RMDN1: variants seen among roughly 807,000 people sequenced by gnomAD.
RMDN1 encodes the protein regulator of microtubule dynamics protein 1.
A neutral mutation model predicts 48.9 loss-of-function variants in RMDN1; 48 were observed. That is an observed-to-expected ratio of 0.98 (90% CI 0.78 to 1.25). The LOEUF (loss-of-function observed/expected upper bound fraction) is 1.25. RMDN1 is among the 50% of genes most tolerant of loss of function. RMDN1 has a pLI of 0.00. For missense variants in RMDN1, 418 were observed against 373.4 expected (o/e 1.12, Z -0.98); for synonymous variants, 148 against 132.6 (o/e 1.12, Z -0.80).
At chr8:86,509,320 A>G (rs1314183555), upstream of RMDN1, among the ~76,000 whole-genome samples, 1 of 152,162 alleles carries the variant, frequency 6.6e-6, no homozygotes, top group Non-Finnish European at 1.5e-5. Flanking sequence ...GGTCTCCCCT[A>G]AAATTCTTCA....
intron 2 of RMDN1, chr8:86,504,937 A>G: frequency 8.0e-7 from 1 of 1,255,526 alleles, no homozygotes; most frequent in South Asian, 1.2e-5. Flanking sequence ...CCTGAGACCC[A>G]TGGCAGGGCT....
chr8:86,478,938 A>G lies in RMDN1; in HGVS notation c.714T>C (p.Ser238=). Residue 238 remains serine (S), a synonymous_variant, in exon 7 of 10, where the codon AGT becomes AGC. Transcript: ENST00000406452. ...IAKMLFATPP[S]STYEKALGYF... ...ATCATACTACCTTCTCATAGGTGGA[A>G]CTAGGAGGAGTTGCAAACAGCATTT... 2.5e-6 allele frequency: 4 copies of G among 1,613,400 alleles called. No homozygotes were observed. The highest frequency in any genetic ancestry group is 3.4e-6 in the Non-Finnish European group (4 of 1,179,330).
At chr8:86,487,412 T>G (rs1449813481) in intron 3 of RMDN1, among the ~76,000 whole-genome samples, 1 of 152,066 alleles carries the variant, frequency 6.6e-6, no homozygotes, top group African/African-American at 2.4e-5. Context: ...AAAACCAGCC[T>G]GATCAACATG....
At position 86,514,005 on chromosome 8, in the gene RMDN1, A is replaced by AT. The variant is rs1019675771; in HGVS notation, c.-4+236dup. On this transcript the variant is annotated intron_variant, in intron 1 of 9. Transcript: ENST00000523911. ...CAGTCGCGTGCCACCACGCCCAGCT[A>AT]TTTTTTTTTTTACTTTTTGTAGCGG... Among the ~76,000 whole-genome samples, 306 of 145,318 alleles carry AT rather than the reference A, an allele frequency of 2.1e-3. 1 individual carries two copies. Among genetic ancestry groups the AT allele is most frequent in the African/African-American group, 6.5e-3 (257 of 39,670 alleles).
At chr8:86,471,718 A>C (rs1428036681), downstream of RMDN1, among the ~76,000 whole-genome samples, 1 of 152,218 alleles carries the variant, frequency 6.6e-6, no homozygotes, top group Non-Finnish European at 1.5e-5. Flanking sequence ...TAAAAGAAAA[A>C]TCAGTAAGTG....
In RMDN1 at chr8:86,473,420, T is replaced by A; in HGVS notation, c.*888A>T. The A allele has an allele frequency of 1.0e-6, 1 of 985,480 alleles. No homozygotes were observed. The highest frequency in any genetic ancestry group is 1.2e-6 in the Non-Finnish European group (1 of 829,950). The allele number at this position is 985,480 out of a possible 1,614,324, so 61.0% of individuals were successfully genotyped here. On this transcript the variant is annotated 3_prime_UTR_variant, in exon 10 of 10. Coordinates refer to ENST00000406452, the MANE Select transcript of RMDN1 (RefSeq NM_016033.3). ...GTGTTCCTTCCATTCCATTAGGGAA[T>A]AGAACTTTGCATCTGATGACAAATT...
chr8:86,474,438 G>T, intron 9 of RMDN1, 80 bp from the exon 10 acceptor site: 1 of 1,145,350 alleles, frequency 8.7e-7, no homozygotes, highest in Non-Finnish European at 1.3e-6. Flanking sequence ...ATAAAGTGGG[G>T]TTTCTAAGAG....
At chr8:86,483,825 G>GTTTT in intron 5 of RMDN1, among the ~76,000 whole-genome samples, 1 of 130,144 alleles carries the variant, frequency 7.7e-6, no homozygotes, top group Non-Finnish European at 1.7e-5. Context: ...TTTTGTGGTA[G>GTTTT]TTTTTTTTTT....
intron 2 of RMDN1, chr8:86,504,694 T>G (rs1819001142): frequency 2.2e-6 from 2 of 891,356 alleles, no homozygotes; most frequent in South Asian, 2.6e-5. Flanking sequence ...GCTATCTTGG[T>G]CTTTGTGGCC....
At chr8:86,485,113 A>G (rs1374559251) in intron 4 of RMDN1, 152 bp from the exon 5 acceptor site, 7 of 518,090 alleles carry the variant, frequency 1.4e-5, no homozygotes, top group Non-Finnish European at 2.4e-5. Context: ...ATATATAAAG[A>G]GAAGTGGACA....
At chr8:86,483,986 T>G (rs1815022606) in intron 5 of RMDN1, among the ~76,000 whole-genome samples, 1 of 152,200 alleles carries the variant, frequency 6.6e-6, no homozygotes, top group Non-Finnish European at 1.5e-5. Context: ...ATATCAATCT[T>G]AAATAGAATT....
At chr8:86,489,285 TCTGA>T (rs763755082) in intron 2 of RMDN1, among the ~76,000 whole-genome samples, 2 of 152,216 alleles carry the variant, frequency 1.3e-5, no homozygotes, top group East Asian at 1.9e-4. Context: ...GACACTATGC[TCTGA>T]CTGACTCTTA....
At chr8:86,492,514 A>T (rs890828132) in intron 2 of RMDN1, among the ~76,000 whole-genome samples, 3 of 152,046 alleles carry the variant, frequency 2.0e-5, no homozygotes, top group Non-Finnish European at 2.9e-5. Context: ...TCAGCCGGTC[A>T]TGGTGGCAGG....
intron 2 of RMDN1, among the ~76,000 whole-genome samples, chr8:86,494,499 T>C (rs1389534399): frequency 6.6e-6 from 1 of 152,016 alleles, no homozygotes. Flanking sequence ...GAGGCTGCAA[T>C]GAGCTGTGAT....
chr8:86,490,126 C>G (rs961265351), intron 2 of RMDN1, among the ~76,000 whole-genome samples: 2 of 152,008 alleles, frequency 1.3e-5, no homozygotes, highest in Non-Finnish European at 2.9e-5. Context: ...TTATCGGATA[C>G]GTGGCTGAAT....
downstream of RMDN1, chr8:86,470,338 T>G: frequency 7.8e-7 from 1 of 1,289,306 alleles, no homozygotes; most frequent in South Asian, 1.2e-5. Context: ...TCCTGGGGTT[T>G]GTTCTCAGTA....
At position 86,474,091 on chromosome 8, in the gene RMDN1, T is replaced by C. The variant is rs1812956276; in HGVS notation, c.*217A>G. The C allele has an allele frequency of 7.8e-7, 1 of 1,281,194 alleles. No individual in the cohort carries two copies. Among genetic ancestry groups the C allele is most frequent in the African/African-American group, 1.5e-5 (1 of 65,614 alleles). The allele number at this position is 1,281,194 out of a possible 1,614,324, so 79.4% of individuals were successfully genotyped here. On this transcript the variant is annotated 3_prime_UTR_variant, in exon 10 of 10. Coordinates refer to ENST00000406452, the MANE Select transcript of RMDN1 (RefSeq NM_016033.3). ...GTATCCAGGATGCAAAATAATCTCT[T>C]TGCCTGAGCCATGGAGATTTATTTC...
chr8:86,491,705 T>C (rs1014914612), intron 2 of RMDN1, among the ~76,000 whole-genome samples: 3 of 152,206 alleles, frequency 2.0e-5, no homozygotes, highest in Non-Finnish European at 4.4e-5. Context: ...TAGTGAAATC[T>C]TAAATGTAAC....
intron 2 of RMDN1, chr8:86,504,366 T>C (rs1818918274): frequency 3.2e-6 from 5 of 1,571,366 alleles, no homozygotes; most frequent in African/African-American, 2.7e-5. Context: ...TGGAGTTCTT[T>C]AGAGTATCCA....
Sources: allele counts gnomAD v4.1 joint callset (sites outside exome capture counted in the v4.1 genomes callset), GRCh38; gene constraint gnomAD v4.1.1; transcripts MANE v1.5; gene names NCBI Gene and HGNC (gene_info 2026-07-23, HGNC 2026-07-21).